Variants in MACROD2 observed in about 807,000 individuals in gnomAD.
MACROD2 encodes ADP-ribose glycohydrolase MACROD2.
MACROD2 carries 36 observed loss-of-function variants against 70.4 expected under a neutral mutation model. That is an observed-to-expected ratio of 0.51 (90% CI 0.39 to 0.68). The LOEUF (loss-of-function observed/expected upper bound fraction) is 0.68. Ranked by LOEUF, MACROD2 falls within the 30% of genes least tolerant of loss-of-function variation. The pLI is 0.00. For synonymous variants in MACROD2, 172 were observed against 178.8 expected (o/e 0.96, Z 0.30); for missense variants, 496 against 538.4 (o/e 0.92, Z 0.78).
At chr20:14,412,025 T>A (rs1244675452) in intron 3 of MACROD2, among the ~76,000 whole-genome samples, 1 of 152,206 alleles carries the variant, frequency 6.6e-6, no homozygotes, top group East Asian at 1.9e-4. Context: ...ACCAAAAGTG[T>A]CATTAATGTA....
At chr20:14,994,071 G>A (rs1053612268) in intron 5 of MACROD2, among the ~76,000 whole-genome samples, 34 of 152,034 alleles carry the variant, frequency 2.2e-4, no homozygotes, top group African/African-American at 8.2e-4. Flanking sequence ...AAGAGTTTTA[G>A]GATTAAGAGA....
chr20:15,802,612 T>G (rs1358863113), intron 8 of MACROD2, among the ~76,000 whole-genome samples: 2 of 152,010 alleles, frequency 1.3e-5, no homozygotes, highest in African/African-American at 4.8e-5. Flanking sequence ...CTTAAGATAT[T>G]AAAAAAGCAA....
rs752276100 is a variant in MACROD2, at chr20:14,325,848, A to G, written c.272-167631A>G. On this transcript the variant is annotated intron_variant, in intron 3 of 17. Coordinates refer to ENST00000684519, the MANE Select transcript of MACROD2 (RefSeq NM_001351661.2). ...TCCTTGAGAAGAGCGATCCATTCCT[A>G]TGAACATACCAACACACTAAAGCAA... is the stretch of plus-strand genomic sequence containing the variant. 7.4e-6 allele frequency: 12 copies of G among 1,613,902 alleles called. No individual in the cohort carries two copies. In the South Asian group the frequency reaches 9.9e-5, roughly 13 times the overall value.
intron 5 of MACROD2, among the ~76,000 whole-genome samples, chr20:15,112,947 T>G (rs572987917): frequency 2.4e-5 from 3 of 125,244 alleles, no homozygotes; most frequent in African/African-American, 9.7e-5. Context: ...GGATAATATT[T>G]CACTGTGTGT....
intron 6 of MACROD2, among the ~76,000 whole-genome samples, chr20:15,230,595 C>T (rs1294675579): frequency 2.0e-5 from 3 of 152,090 alleles, no homozygotes; most frequent in Non-Finnish European, 4.4e-5. Flanking sequence ...ATTTATTTTA[C>T]TCTTATTAAA....
chr20:15,509,446 A>C (rs1026458030), intron 8 of MACROD2, among the ~76,000 whole-genome samples: 9 of 152,312 alleles, frequency 5.9e-5, no homozygotes, highest in Non-Finnish European at 1.2e-4. Flanking sequence ...GAGAGAATGC[A>C]GTTTGCTCAG....
chr20:14,493,825 C>A, intron 4 of MACROD2: 1 of 167,484 alleles, frequency 6.0e-6, no homozygotes, highest in East Asian at 1.5e-4. Context: ...TAACTATGTA[C>A]ATATTACAGA....
intron 3 of MACROD2, among the ~76,000 whole-genome samples, chr20:14,351,600 C>A (rs1261844034): frequency 6.6e-6 from 1 of 152,140 alleles, no homozygotes; most frequent in African/African-American, 2.4e-5. Flanking sequence ...TTGTGTCCTG[C>A]AACTTTACTG....
chr20:15,373,108 A>C (rs1399160469), intron 6 of MACROD2, among the ~76,000 whole-genome samples: 1 of 152,118 alleles, frequency 6.6e-6, no homozygotes, highest in African/African-American at 2.4e-5. Flanking sequence ...TCAATCCTAT[A>C]CCTTCTTTTA....
chr20:15,884,441 T>C (rs564617675), intron 9 of MACROD2, among the ~76,000 whole-genome samples: 2 of 152,116 alleles, frequency 1.3e-5, no homozygotes, highest in Admixed American at 6.6e-5. Flanking sequence ...AGAAAAGTGT[T>C]TGGAACCAGG....
chr20:14,055,084 A>G (rs2053616523), intron 2 of MACROD2, among the ~76,000 whole-genome samples: 1 of 152,140 alleles, frequency 6.6e-6, no homozygotes, highest in African/African-American at 2.4e-5. Flanking sequence ...TAGATTTTGT[A>G]TTTATGGACT....
chr20:15,869,238 T>TAGAG (rs1555788820), intron 9 of MACROD2, among the ~76,000 whole-genome samples: 1,113 of 28,280 alleles, frequency 0.039, 92 homozygotes, highest in Non-Finnish European at 0.056. Context: ...TATATATATA[T>TAGAG]AGAGAGAGAG....
chr20:15,903,152 G>C (rs543759424), intron 10 of MACROD2, among the ~76,000 whole-genome samples: 1 of 152,236 alleles, frequency 6.6e-6, no homozygotes, highest in African/African-American at 2.4e-5. Context: ...GAGGCGGGCA[G>C]ATCACTCGAG....
At chr20:15,798,156 A>G (rs1349867827) in intron 8 of MACROD2, among the ~76,000 whole-genome samples, 4 of 152,244 alleles carry the variant, frequency 2.6e-5, no homozygotes, top group Non-Finnish European at 5.9e-5. Flanking sequence ...TTATTGTGGT[A>G]GTATAGCAAA....
chr20:14,170,704 C>A (rs1368353255), intron 3 of MACROD2, among the ~76,000 whole-genome samples: 3 of 152,162 alleles, frequency 2.0e-5, no homozygotes, highest in African/African-American at 7.2e-5. Flanking sequence ...CCCACTTAAT[C>A]ATGGTGGATT....
chr20:14,071,106 A>G (rs1033759655), intron 2 of MACROD2, among the ~76,000 whole-genome samples: 2 of 152,184 alleles, frequency 1.3e-5, no homozygotes, highest in Non-Finnish European at 2.9e-5. Flanking sequence ...GAAAGTGATG[A>G]AACAATTTTA....
intron 3 of MACROD2, chr20:14,327,458 G>A (rs750239836): frequency 1.9e-6 from 3 of 1,613,278 alleles, no homozygotes; most frequent in Non-Finnish European, 2.5e-6. Flanking sequence ...TGAAGGAACA[G>A]CCCAATTTTA....
At position 15,573,195 on chromosome 20, in the gene MACROD2, C is replaced by T. The variant is rs189145296; in HGVS notation, c.645+73348C>T. 7.3e-3 allele frequency among the ~76,000 whole-genome samples: 1,117 copies of T among 152,206 alleles called. 11 individuals are homozygous for T. Among genetic ancestry groups the T allele is most frequent in the Non-Finnish European group, 0.01 (701 of 68,002 alleles). Reference sequence around the variant, plus strand: ...ACTAAGCCATAAACTATGGTGTTTTCCCATGTCGTTTTAAACCAAGTGAAC... The same window carrying T: ...ACTAAGCCATAAACTATGGTGTTTTTCCATGTCGTTTTAAACCAAGTGAAC... On this transcript the variant is annotated intron_variant, in intron 8 of 17. Transcript: ENST00000684519.
At chr20:16,030,661 A>G (rs1272865417) in intron 15 of MACROD2, among the ~76,000 whole-genome samples, 2 of 152,232 alleles carry the variant, frequency 1.3e-5, no homozygotes, top group Non-Finnish European at 2.9e-5. Flanking sequence ...AAATGTAAGA[A>G]CTAAGGAGAT....
Sources: gnomAD v4.1 joint callset for allele counts (sites outside exome capture counted in the v4.1 genomes callset) on GRCh38, gnomAD v4.1.1 for gene constraint, MANE v1.5 for transcripts, NCBI Gene and HGNC (gene_info 2026-07-23, HGNC 2026-07-21) for gene names.